The following NAALADL1 variants were observed in gnomAD, a reference collection of about 807,000 sequenced individuals.
NAALADL1 encodes the protein aminopeptidase NAALADL1.
NAALADL1 carries 77 observed loss-of-function variants against 82.8 expected under a neutral mutation model. The observed-to-expected ratio is 0.93, with a 90% CI of 0.77 to 1.12. The LOEUF (loss-of-function observed/expected upper bound fraction) is 1.12. NAALADL1 is among the 50% of genes most tolerant of loss of function. The pLI is 0.00. For synonymous variants in NAALADL1, 358 were observed against 399.2 expected (o/e 0.90, Z 1.23); for missense variants, 956 against 964.0 (o/e 0.99, Z 0.11).
chr11:65,053,267 G>A lies in NAALADL1; in HGVS notation c.1149C>T (p.Thr383=), dbSNP rs755667696. ...CACGGGAGAGCTCCAGGAGGACGGC[G>A]GTGCCACTGCTGGGGTCCACAGCCC... ...VHGAVDPSSG[T]AVLLELSRVL... The change falls in exon 8 of 18, where the codon ACC becomes ACT. Residue 383 remains threonine (T), a synonymous_variant. Coordinates refer to ENST00000358658, the MANE Select transcript of NAALADL1 (RefSeq NM_005468.3). The surrounding 1 kb of genome is among the most constrained non-coding windows in gnomAD (Gnocchi z 4.3). 25 of 1,555,170 alleles carry A rather than the reference G, an allele frequency of 1.6e-5. No homozygotes were observed. Among genetic ancestry groups the A allele is most frequent in the East Asian group, 2.4e-5 (1 of 41,564 alleles).
Position 65,045,114 on chromosome 11 carries a change from T to A in NAALADL1, c.*157A>T. 1.2e-6 allele frequency: 1 copy of A among 808,052 alleles called. No individual in the cohort carries two copies. Among genetic ancestry groups the A allele is most frequent in the South Asian group, 1.9e-5 (1 of 53,940 alleles). 50.1% of individuals were successfully genotyped at this position (808,052 alleles called of 1,614,324 possible). A position where few individuals can be genotyped will look rare whatever the true frequency, so the allele number is the denominator to read the frequency against. ...GGATGAGGGTGAGTTGCATTAGGGC[T>A]TGCCACTCCCCTCAGGGACCTCAAG... On this transcript the variant is annotated 3_prime_UTR_variant, in exon 18 of 18. Transcript: ENST00000358658.
chr11:65,054,544 A>C lies in NAALADL1; in HGVS notation c.798T>G (p.Ser266=). The change falls in exon 5 of 18, where the codon TCT becomes TCG. Residue 266 remains serine, a synonymous_variant. Transcript: ENST00000358658. The surrounding 1 kb of genome is among the most constrained non-coding windows in gnomAD (Gnocchi z 4.3). ...CATTGGCAAGGTCCACGCGGAAGGA[A>C]GAGGGGACGGCTGGAAGGTAGGGAG... ...PLTPYLPAVP[S]SFRVDLANVS... 1 of 1,614,016 alleles carries C rather than the reference A, an allele frequency of 6.2e-7. No individual in the cohort carries two copies. The highest frequency in any genetic ancestry group is 8.5e-7 in the Non-Finnish European group (1 of 1,179,972).
At chr11:65,049,938 C>T (rs57098632) in intron 8 of NAALADL1, among the ~76,000 whole-genome samples, 20 of 151,548 alleles carry the variant, frequency 1.3e-4, no homozygotes, top group East Asian at 1.2e-3. Context: ...AGTGCAGTGG[C>T]GCAATCAGCT....
intron 8 of NAALADL1, among the ~76,000 whole-genome samples, chr11:65,050,862 C>T (rs1186312831): frequency 6.6e-6 from 1 of 151,846 alleles, no homozygotes; most frequent in Non-Finnish European, 1.5e-5. Context: ...GCTTTTTTCC[C>T]CTATTTTTTG....
At chr11:65,057,115 C>T (rs1000196767) in intron 4 of NAALADL1, among the ~76,000 whole-genome samples, 18 of 152,228 alleles carry the variant, frequency 1.2e-4, no homozygotes, top group Non-Finnish European at 2.4e-4. Context: ...AGGACTTAGA[C>T]TTCTGGAATA....
rs1413202081 is a variant in NAALADL1, at chr11:65,054,419, T to G, written c.887+36A>C. ...GTGGGGCTTGAAGTCTGGAGGCCAC[T>G]GGGGCTGGGCAGGACACCCCAGGGC... On this transcript the variant is annotated intron_variant, in intron 5 of 17. Coordinates refer to ENST00000358658, the MANE Select transcript of NAALADL1 (RefSeq NM_005468.3). The surrounding 1 kb of genome is among the most constrained non-coding windows in gnomAD (Gnocchi z 4.3). 1 of 1,612,466 alleles carries G rather than the reference T, an allele frequency of 6.2e-7. No homozygotes were observed. Among genetic ancestry groups the G allele is most frequent in the African/African-American group, 1.3e-5 (1 of 74,948 alleles).
chr11:65,059,071 G>A (rs1372473139), upstream of NAALADL1, among the ~76,000 whole-genome samples: 1 of 151,938 alleles, frequency 6.6e-6, no homozygotes, highest in African/African-American at 2.4e-5. Context: ...GGAGTCCAGT[G>A]GTGTGATCTC....
chr11:65,050,836 A>G (rs1191470050), intron 8 of NAALADL1, among the ~76,000 whole-genome samples: 1 of 152,136 alleles, frequency 6.6e-6, no homozygotes, highest in African/African-American at 2.4e-5. Context: ...ATATAGTTAT[A>G]TTATAAATAG....
chr11:65,051,400 G>A (rs1946886504), intron 8 of NAALADL1, among the ~76,000 whole-genome samples: 1 of 126,344 alleles, frequency 7.9e-6, no homozygotes, highest in Non-Finnish European at 1.6e-5. Context: ...GCAGTAGTGT[G>A]ATCACGGCTT....
chr11:65,056,559 C>A (rs1947044268), intron 4 of NAALADL1, among the ~76,000 whole-genome samples: 1 of 151,942 alleles, frequency 6.6e-6, no homozygotes, highest in South Asian at 2.1e-4. Flanking sequence ...GCTGCCACAC[C>A]CAGCTAATTT....
chr11:65,046,582 T>C, intron 13 of NAALADL1, 56 bp from the exon 14 acceptor site: 1 of 1,552,258 alleles, frequency 6.4e-7, no homozygotes, highest in Non-Finnish European at 8.9e-7. Flanking sequence ...GGAGAAGGTG[T>C]ACCTCCAGTG....
At chr11:65,047,897 A>ACC in intron 11 of NAALADL1, 84 bp downstream of exon 11, 1 of 486,654 alleles carries the variant, frequency 2.1e-6, no homozygotes. Context: ...ACCACTCCCC[A>ACC]GCCCCGCCCA....
At position 65,045,402 on chromosome 11, in the gene NAALADL1, T is replaced by C. The variant is rs780014313; in HGVS notation, c.2092A>G (p.Asn698Asp). 6.2e-6 allele frequency: 10 copies of C among 1,613,130 alleles called. No individual in the cohort carries two copies. The East Asian group carries it at 2.2e-4, about 36-fold the overall frequency. The change falls in exon 18 of 18, where the codon AAT becomes GAT. Residue 698 changes from asparagine (N) to aspartate (D), a missense_variant. Coordinates refer to ENST00000358658, the MANE Select transcript of NAALADL1 (RefSeq NM_005468.3). Reference protein sequence around the residue: ...GSVVTFPGLSNACSRARDTAS... With the variant: ...GSVVTFPGLSDACSRARDTAS... ...GTGTCCCTGGCCCTGGAGCAGGCATTGGATAGGCCCGGGAATGTGACTACG... is the reference window on the plus strand; with the variant it reads ...GTGTCCCTGGCCCTGGAGCAGGCATCGGATAGGCCCGGGAATGTGACTACG...
In NAALADL1 at chr11:65,045,826, A is replaced by G. The variant is rs765261404; in HGVS notation, c.2032T>C (p.Tyr678His). The change falls in exon 17 of 18, where the codon TAC (tyrosine) becomes CAC (histidine). Residue 678 changes from tyrosine (Y) to histidine (H), a missense_variant. By Grantham distance (83) the Tyr-to-His change is moderately conservative (BLOSUM62 2). Transcript: ENST00000358658. ...AGGACTCTGGGACAGACTCACCTGT[A>G]GTAGCGTTCCTCTGGGAAGGCTCTA... The part of the protein sequence containing the change: ...NPRAFPEERY[Y>H]SHVLWAPRTG... 6.2e-7 allele frequency: 1 copy of G among 1,613,850 alleles called. No individual in the cohort carries two copies. Among genetic ancestry groups the G allele is most frequent in the East Asian group, 2.2e-5 (1 of 44,884 alleles).
rs916669859 is a variant in NAALADL1, at chr11:65,047,325, C to A, written c.1599+150G>T. The A allele has an allele frequency of 4.5e-6, 3 of 666,986 alleles. No homozygotes were observed. In the East Asian group the frequency reaches 8.4e-5, roughly 19 times the overall value. The allele number at this position is 666,986 out of a possible 1,614,324, so 41.3% of individuals were successfully genotyped here. A position where few individuals can be genotyped will look rare whatever the true frequency, so the allele number is the denominator to read the frequency against. On this transcript the variant is annotated intron_variant, in intron 13 of 17. Coordinates refer to ENST00000358658, the MANE Select transcript of NAALADL1 (RefSeq NM_005468.3). ...CTATATAAAACGTGTGTGTGTATTT[C>A]TGTGTGTGTGTGTGTTTTTTTTTAA...
At position 65,053,642 on chromosome 11, in the gene NAALADL1, G is replaced by A. The variant is rs1277762551; in HGVS notation, c.993-66C>T. On this transcript the variant is annotated intron_variant, in intron 6 of 17. Transcript: ENST00000358658. This position sits in a 1 kb window ranked among gnomAD's most constrained non-coding sequence, Gnocchi z 4.3. The stretch of plus-strand genomic sequence containing the variant: ...CCACTGCCCCCGACCCAGTGCAGGA[G>A]ACACTGAGGCCCGGAGCTGGAAAGT... 1.3e-5 allele frequency: 18 copies of A among 1,381,732 alleles called. No homozygotes were observed. The highest frequency in any genetic ancestry group is 1.8e-5 in the Non-Finnish European group (18 of 1,012,562). The allele number at this position is 1,381,732 out of a possible 1,614,324, so 85.6% of individuals were successfully genotyped here. A position where few individuals can be genotyped will look rare whatever the true frequency, so the allele number is the denominator to read the frequency against.
At chr11:65,052,079 C>T (rs756064181) in intron 8 of NAALADL1, among the ~76,000 whole-genome samples, 2 of 152,100 alleles carry the variant, frequency 1.3e-5, no homozygotes, top group Non-Finnish European at 2.9e-5. Flanking sequence ...TCACATCTTC[C>T]TTCTAGATCT....
At chr11:65,051,675 G>A (rs990383035) in intron 8 of NAALADL1, among the ~76,000 whole-genome samples, 1 of 152,136 alleles carries the variant, frequency 6.6e-6, no homozygotes, top group East Asian at 1.9e-4. Flanking sequence ...CATACAAGGG[G>A]GGGGATGGAG....
At chr11:65,059,029 T>C (rs963489826), upstream of NAALADL1, among the ~76,000 whole-genome samples, 49 of 152,224 alleles carry the variant, frequency 3.2e-4, no homozygotes, top group African/African-American at 1.1e-3. Flanking sequence ...TTTTTTTTTT[T>C]CTAGACTGTG....
Sources: allele counts gnomAD v4.1 joint callset (sites outside exome capture counted in the v4.1 genomes callset), GRCh38; gene constraint gnomAD v4.1.1; non-coding constraint Gnocchi (gnomAD v3.1); transcripts MANE v1.5; gene names NCBI Gene and HGNC (gene_info 2026-07-23, HGNC 2026-07-21).